MED15: variants seen among roughly 807,000 people sequenced by gnomAD.
The protein encoded by MED15 is mediator complex subunit 15, also known as mediator of RNA polymerase II transcription subunit 15.
Under a neutral mutation model 118.7 loss-of-function variants are expected in MED15, and 41 were observed. That is an observed-to-expected ratio of 0.35 (90% CI 0.27 to 0.45). The LOEUF (loss-of-function observed/expected upper bound fraction) is 0.45. MED15 is among the 20% of genes least tolerant of loss of function. MED15 has a pLI of 1.00. For missense variants in MED15, 740 were observed against 1,025.5 expected (o/e 0.72, Z 3.80); for synonymous variants, 436 against 413.9 (o/e 1.05, Z -0.65).
intron 2 of MED15, among the ~76,000 whole-genome samples, chr22:20,550,425 A>G (rs1448720045): frequency 6.6e-6 from 1 of 152,240 alleles, no homozygotes; most frequent in Non-Finnish European, 1.5e-5. Context: ...GTTTGGAGAT[A>G]GATGTGGGAT....
At chr22:20,568,775 T>C in intron 8 of MED15, 144 bp downstream of exon 8, 6 of 1,369,126 alleles carry the variant, frequency 4.4e-6, no homozygotes, top group Non-Finnish European at 5.9e-6. Flanking sequence ...CCTTGCACTC[T>C]GCAAGACACC....
Position 20,563,544 on chromosome 22 carries a change from C to G in MED15, c.452-906C>G, listed in dbSNP as rs143377454. Among the ~76,000 whole-genome samples, 1,325 of 152,274 alleles carry G rather than the reference C, an allele frequency of 8.7e-3. 23 individuals carry two copies. Among genetic ancestry groups the G allele is most frequent in the African/African-American group, 0.031 (1,271 of 41,548 alleles). On this transcript the variant is annotated intron_variant, in intron 5 of 17. Transcript: ENST00000263205. ...AGGGTTGCTGAGAGAGGTGGCAACACGAGGGATCCTTGTGGTGTGGGGACT... is the reference window on the plus strand; with the variant it reads ...AGGGTTGCTGAGAGAGGTGGCAACAGGAGGGATCCTTGTGGTGTGGGGACT...
intron 9 of MED15, among the ~76,000 whole-genome samples, chr22:20,579,666 C>A (rs1483375342): frequency 6.6e-6 from 1 of 152,186 alleles, no homozygotes; most frequent in Non-Finnish European, 1.5e-5. Flanking sequence ...CCTTCAGCTC[C>A]AGGCTGCTGT....
chr22:20,566,842 A>C lies in MED15; in HGVS notation c.1041+25A>C, dbSNP rs770923858. 3.1e-6 allele frequency: 5 copies of C among 1,607,538 alleles called. No homozygotes were observed. In the South Asian group the frequency reaches 4.4e-5, roughly 14 times the overall value. ...TGTGAGTACCTGTGGCCCACAGTGG[A>C]GCACATGCAGCCCGTGGCTCTGTCA... On this transcript the variant is annotated intron_variant, in intron 7 of 17. Coordinates refer to ENST00000263205, the MANE Select transcript of MED15 (RefSeq NM_001003891.3).
rs990412729 is a variant in MED15 at position 20,551,201 on chromosome 22, C to T, written c.157-235C>T. ...CTTTCCATCAGGGGAGAGGAGTGGC[C>T]GTTGGAGGCTCTCTGTCCCCTTCTT... is the stretch of plus-strand genomic sequence containing the variant. On this transcript the variant is annotated intron_variant, in intron 2 of 17. Transcript: ENST00000263205. 20 of 667,010 alleles carry T rather than the reference C, an allele frequency of 3.0e-5. No homozygotes were observed. In the African/African-American group the frequency reaches 3.0e-4, roughly 10 times the overall value. The allele number at this position is 667,010 out of a possible 1,614,324, so 41.3% of individuals were successfully genotyped here.
At chr22:20,518,944 C>G (rs2054346766) in intron 1 of MED15, 3 of 443,624 alleles carry the variant, frequency 6.8e-6, no homozygotes, top group Non-Finnish European at 1.4e-5. Context: ...CCTCCACCTC[C>G]TGGGCTCAAG....
chr22:20,584,589 G>A, intron 14 of MED15, 164 bp downstream of exon 14: 2 of 898,072 alleles, frequency 2.2e-6, no homozygotes, highest in South Asian at 1.6e-5. Flanking sequence ...TGCTGGGTGG[G>A]AACATGGGAG....
At chr22:20,508,129 C>T in intron 1 of MED15, 1 of 1,236,642 alleles carries the variant, frequency 8.1e-7, no homozygotes, top group Non-Finnish European at 1.0e-6. Flanking sequence ...GTTTCTCTTC[C>T]AGAAAAGCGC....
chr22:20,574,975 C>A, intron 8 of MED15, 138 bp from the exon 9 acceptor site: 1 of 1,314,436 alleles, frequency 7.6e-7, no homozygotes, highest in Non-Finnish European at 1.1e-6. Context: ...GCCTCCCCTC[C>A]CAGGCTGCCC....
intron 3 of MED15, 197 bp downstream of exon 3, chr22:20,551,684 A>G (rs75122960): frequency 3.2e-6 from 2 of 619,226 alleles, no homozygotes; most frequent in Non-Finnish European, 5.7e-6. Context: ...CTTGGCCTCA[A>G]AAATGCTGAT....
rs116840599 is a variant in MED15 at position 20,514,678 on chromosome 22, G to A, written c.68+6932G>A. ...CTTCTAGTGAAGCCTCCAGAGAGAC[G>A]TGAGCTCCAAGTAAGACAACACAAG... On this transcript the variant is annotated intron_variant, in intron 1 of 17. Coordinates refer to ENST00000263205, the MANE Select transcript of MED15 (RefSeq NM_001003891.3). Among the ~76,000 whole-genome samples, 1,221 of 152,266 alleles carry A rather than the reference G, an allele frequency of 8.0e-3. 17 individuals are homozygous for A. The highest frequency in any genetic ancestry group is 0.027 in the African/African-American group (1,128 of 41,542).
rs181442614 is a variant in MED15, at chr22:20,586,932, G to A, written c.*228G>A. 6.4e-6 allele frequency: 4 copies of A among 622,556 alleles called. No individual in the cohort carries two copies. The East Asian group carries it at 8.5e-5, about 13-fold the overall frequency. 38.6% of individuals were successfully genotyped at this position (622,556 alleles called of 1,614,324 possible). A position where few individuals can be genotyped will look rare whatever the true frequency, so the allele number is the denominator to read the frequency against. On this transcript the variant is annotated 3_prime_UTR_variant, in exon 18 of 18. Coordinates refer to ENST00000263205, the MANE Select transcript of MED15 (RefSeq NM_001003891.3). ...GGCGTTGGCCGACTTCTTAGAGAAG[G>A]CCCTCCATGTGACTTCCTCCCAGGA...
chr22:20,560,275 A>ATTATTG (rs1431068094), intron 5 of MED15, among the ~76,000 whole-genome samples: 2 of 151,810 alleles, frequency 1.3e-5, no homozygotes, highest in East Asian at 3.9e-4. Context: ...TATTATTATT[A>ATTATTG]TTATTATTAA....
intron 2 of MED15, among the ~76,000 whole-genome samples, chr22:20,546,724 T>C (rs2055557738): frequency 6.6e-6 from 1 of 152,110 alleles, no homozygotes; most frequent in Non-Finnish European, 1.5e-5. Context: ...CTGTCATTCA[T>C]TTTGATGCTT....
At position 20,586,884 on chromosome 22, in the gene MED15, G is replaced by A. The variant is rs765513884; in HGVS notation, c.*180G>A. 9.2e-6 allele frequency: 9 copies of A among 976,382 alleles called. No homozygotes were observed. The highest frequency in any genetic ancestry group is 1.3e-5 in the Non-Finnish European group (9 of 686,716). 60.5% of individuals were successfully genotyped at this position (976,382 alleles called of 1,614,324 possible). A position where few individuals can be genotyped will look rare whatever the true frequency, so the allele number is the denominator to read the frequency against. On this transcript the variant is annotated 3_prime_UTR_variant, in exon 18 of 18. Coordinates refer to ENST00000263205, the MANE Select transcript of MED15 (RefSeq NM_001003891.3). ...ACACCTGTACAGAACTGGGATAGGCGCAGTGGAGCGGGTTGCTTGGGGGGC... is the reference window on the plus strand; with the variant it reads ...ACACCTGTACAGAACTGGGATAGGCACAGTGGAGCGGGTTGCTTGGGGGGC...
chr22:20,524,395 GCA>G (rs2054560595), intron 1 of MED15: 1 of 152,030 alleles, frequency 6.6e-6, no homozygotes, highest in African/African-American at 2.4e-5. Context: ...AACAAGCCCT[GCA>G]CTGATGGAGG....
At chr22:20,559,197 T>G (rs2056134137) in intron 5 of MED15, among the ~76,000 whole-genome samples, 1 of 151,746 alleles carries the variant, frequency 6.6e-6, no homozygotes, top group South Asian at 2.1e-4. Flanking sequence ...GAGCAGAAAT[T>G]CAAATGAAAA....
intron 8 of MED15, among the ~76,000 whole-genome samples, chr22:20,572,876 G>A (rs2056709783): frequency 6.6e-6 from 1 of 152,146 alleles, no homozygotes; most frequent in African/African-American, 2.4e-5. Context: ...AGTGAGCTGT[G>A]ATGACAGCAT....
chr22:20,564,841 T>TG (rs2056378065), intron 6 of MED15, among the ~76,000 whole-genome samples, 153 bp downstream of exon 6: 1 of 152,280 alleles, frequency 6.6e-6, no homozygotes, highest in South Asian at 2.1e-4. Context: ...TCAAAAAGTC[T>TG]GGGACAAGGC....
Sources: gnomAD v4.1 joint callset for allele counts (sites outside exome capture counted in the v4.1 genomes callset) on GRCh38, gnomAD v4.1.1 for gene constraint, MANE v1.5 for transcripts, NCBI Gene and HGNC (gene_info 2026-07-23, HGNC 2026-07-21) for gene names.